ACSM2A: variants seen among roughly 807,000 people sequenced by gnomAD.
The protein encoded by ACSM2A is acyl-coenzyme A synthetase ACSM2A, mitochondrial.
ACSM2A carries 72 observed loss-of-function variants against 76.6 expected under a neutral mutation model. The ratio of observed to expected loss-of-function variants is 0.94; its 90% CI spans 0.78 to 1.14. The LOEUF is 1.14. Among genes scored for constraint, ACSM2A ranks in the 50% most tolerant of loss-of-function variants. The probability of loss-of-function intolerance (pLI) is 0.00; values close to 1 mark genes in which losing one functional copy is unlikely to be tolerated. For synonymous variants in ACSM2A, 249 were observed against 255.9 expected, an observed-to-expected ratio of 0.97 and a Z score of 0.26; for missense variants, 684 against 708.5, an observed-to-expected ratio of 0.97 and a Z score of 0.39.
At chr16:20,482,185 A>AAGTG (rs938341739) in intron 12 of ACSM2A, 1 of 152,478 alleles carries the variant, frequency 6.6e-6, no homozygotes, top group Non-Finnish European at 1.5e-5. Context: ...AAAGAAAGTG[A>AAGTG]AGTGCTTGGA....
At chr16:20,471,502 C>A in intron 5 of ACSM2A, 34 bp from the exon 6 acceptor site, 1 of 1,593,200 alleles carries the variant, frequency 6.3e-7, no homozygotes, top group Non-Finnish European at 8.6e-7. Context: ...CATGCACCCA[C>A]CTATATGTAC....
Position 20,465,530 on chromosome 16 carries a change from T to C in ACSM2A, c.191T>C (p.Leu64Pro), listed in dbSNP as rs7187246. The C allele has an allele frequency of 0.3, 482,367 of 1,597,450 alleles. 57,842 individuals carry two copies. Among genetic ancestry groups the C allele is most frequent in the East Asian group, 0.76 (33,061 of 43,620 alleles). The change falls in exon 3 of 14, where the codon CTC (leucine) becomes CCC (proline). Residue 64 changes from leucine to proline, a missense_variant. By Grantham distance (98) the Leu-to-Pro change is moderately conservative. Around this residue, in one of 3 missense-constraint regions of ACSM2A, gnomAD observed 519 missense variants for 549.5 expected, o/e 0.94. Coordinates refer to ENST00000573854, the MANE Select transcript of ACSM2A (RefSeq NM_001308172.2). ...CTCTTTCCTCAGGCTGGCAAGCGAC[T>C]CCCAAGCCCAGCCCTGTGGTGGGTG... Reference protein sequence around the residue: ...WADMEKAGKRLPSPALWWVNG... With the variant: ...WADMEKAGKRPPSPALWWVNG...
chr16:20,455,322 A>G (rs1184311253), intron 1 of ACSM2A, among the ~76,000 whole-genome samples: 19 of 150,624 alleles, frequency 1.3e-4, no homozygotes, highest in Non-Finnish European at 5.9e-5. Flanking sequence ...TTGCAAAAAG[A>G]TCATTGCCTA....
intron 1 of ACSM2A, among the ~76,000 whole-genome samples, chr16:20,452,727 TG>T (rs1301014158): frequency 6.7e-6 from 1 of 149,998 alleles, no homozygotes; most frequent in East Asian, 2.0e-4. Context: ...TTGTTGGTTT[TG>T]GGGTTTCTGG....
chr16:20,483,569 CAAAAAAAAAAAAAAAAA>C (rs60606533), intron 13 of ACSM2A, among the ~76,000 whole-genome samples: 1,135 of 32,310 alleles, frequency 0.035, 47 homozygotes, highest in African/African-American at 0.093. Flanking sequence ...GACTCTGTCT[CAAAAAAAAAAAAAAAAA>C]AAAAAAAAAA....
In ACSM2A at chr16:20,471,185, A is replaced by G. The variant is rs2013370414; in HGVS notation, c.709A>G (p.Ser237Gly). 6.2e-7 allele frequency: 1 copy of G among 1,611,570 alleles called. No homozygotes were observed. The highest frequency in any genetic ancestry group is 1.1e-5 in the South Asian group (1 of 90,850). The change falls in exon 5 of 14, where the codon AGC (serine) becomes GGC (glycine). Residue 237 changes from serine (S) to glycine (G), a missense_variant. By Grantham distance (56) the Ser-to-Gly change is moderately conservative (BLOSUM62 0). This residue lies in a region of ACSM2A where 519 missense variants were observed against 549.5 expected (regional missense o/e 0.94). Coordinates refer to ENST00000573854, the MANE Select transcript of ACSM2A (RefSeq NM_001308172.2). ...LPKMAEHSYS[S>G]LGLKAKMDAG... ...CAAGATGGCAGAACATTCCTACTCG[A>G]GCCTGGGCCTCAAGGCCAAGATGGA...
rs370167418 is a variant in ACSM2A at position 20,467,162 on chromosome 16, A to G, written c.388+1435A>G. Among the ~76,000 whole-genome samples, 151 of 152,326 alleles carry G rather than the reference A, an allele frequency of 9.9e-4. 3 individuals are homozygous for G. The South Asian group carries it at 0.03, about 30-fold the overall frequency. ...CACAGAGGAGGGAAACTTGAAAATT[A>G]TAAAAGAACCTAAAAGGATATCTAT... On this transcript the variant is annotated intron_variant, in intron 3 of 13. Transcript: ENST00000573854.
chr16:20,458,929 T>TAC (rs1555497761), intron 1 of ACSM2A, among the ~76,000 whole-genome samples: 1 of 58,610 alleles, frequency 1.7e-5, no homozygotes, highest in Non-Finnish European at 2.9e-5. Flanking sequence ...TATATATATA[T>TAC]ATACATATAT....
At chr16:20,459,958 G>A in intron 1 of ACSM2A, 149 bp from the exon 2 acceptor site, 1 of 1,375,406 alleles carries the variant, frequency 7.3e-7, no homozygotes, top group South Asian at 1.6e-5. Context: ...GACTGAAACA[G>A]ATGCTGAGTG....
intron 3 of ACSM2A, among the ~76,000 whole-genome samples, chr16:20,468,253 CAA>C (rs2013137333): frequency 6.6e-6 from 1 of 152,178 alleles, no homozygotes; most frequent in Non-Finnish European, 1.5e-5. Context: ...GTGAGAATCC[CAA>C]AGTGTTGAGA....
chr16:20,458,206 T>C (rs1366642250), intron 1 of ACSM2A, among the ~76,000 whole-genome samples: 1 of 151,272 alleles, frequency 6.6e-6, no homozygotes, highest in Non-Finnish European at 1.5e-5. Flanking sequence ...GTAGAATAAA[T>C]ATTGTAAAAA....
chr16:20,474,026 G>A (rs530349750), intron 6 of ACSM2A: 18 of 446,846 alleles, frequency 4.0e-5, no homozygotes, highest in African/African-American at 6.1e-5. Context: ...GGAAGCCCCC[G>A]CTTCAAGTTG....
chr16:20,474,780 G>C (rs958277499), intron 6 of ACSM2A, among the ~76,000 whole-genome samples: 1 of 152,182 alleles, frequency 6.6e-6, no homozygotes, highest in Non-Finnish European at 1.5e-5. Context: ...CACACACTCC[G>C]TGAGGTTATT....
chr16:20,453,403 A>T (rs2011909307), intron 1 of ACSM2A: 1 of 151,538 alleles, frequency 6.6e-6, no homozygotes. Flanking sequence ...TGAAGATTTC[A>T]TGGACATTTA....
chr16:20,456,014 A>C (rs919416284), intron 1 of ACSM2A, among the ~76,000 whole-genome samples: 1 of 150,266 alleles, frequency 6.7e-6, no homozygotes, highest in Non-Finnish European at 1.5e-5. Context: ...TATAACAGAC[A>C]AAACAAACTT....
intron 8 of ACSM2A, 146 bp downstream of exon 8, chr16:20,475,919 A>T: frequency 6.7e-7 from 1 of 1,495,402 alleles, no homozygotes. Flanking sequence ...GGTACTGAGT[A>T]TTGAAAATTC....
At position 20,481,250 on chromosome 16, in the gene ACSM2A, A is replaced by G. The variant is rs536796223; in HGVS notation, c.1509+329A>G. The G allele has an allele frequency of 2.0e-4, 68 of 332,968 alleles. 1 individual carries two copies. The highest frequency in any genetic ancestry group is 9.2e-4 in the African/African-American group (44 of 47,976). The allele number at this position is 332,968 out of a possible 1,614,324, so 20.6% of individuals were successfully genotyped here. On this transcript the variant is annotated intron_variant, in intron 12 of 13. Transcript: ENST00000573854. ...TTTATCCAAAGGAAAAGAAATCAGCATATCAAGAAGATGTCCACACTCCCA... is the reference window on the plus strand; with the variant it reads ...TTTATCCAAAGGAAAAGAAATCAGCGTATCAAGAAGATGTCCACACTCCCA...
intron 6 of ACSM2A, among the ~76,000 whole-genome samples, chr16:20,475,134 C>T (rs1387819377): frequency 1.3e-5 from 2 of 152,128 alleles, no homozygotes; most frequent in Non-Finnish European, 1.5e-5. Context: ...TTCAAATTAG[C>T]CTTAGACTTT....
intron 1 of ACSM2A, among the ~76,000 whole-genome samples, chr16:20,454,118 G>A (rs1039022688): frequency 7.7e-6 from 1 of 130,240 alleles, no homozygotes; most frequent in Non-Finnish European, 1.6e-5. Context: ...AAACTTGCTG[G>A]TTTTGCTGCT....
Sources: allele counts gnomAD v4.1 joint callset (sites outside exome capture counted in the v4.1 genomes callset), GRCh38; gene constraint gnomAD v4.1.1; regional missense constraint gnomAD v4.1.1; transcripts MANE v1.5; gene names NCBI Gene and HGNC (gene_info 2026-07-23, HGNC 2026-07-21).